RASA1: variants seen among roughly 807,000 people sequenced by gnomAD.
RASA1 encodes RAS p21 protein activator 1.
In RASA1, 25 loss-of-function variants were observed where a neutral mutation model predicts 132.2. The observed-to-expected ratio is 0.19, with a 90% CI of 0.14 to 0.26. The LOEUF is 0.26. Ranked by LOEUF, RASA1 falls within the 10% of genes least tolerant of loss-of-function variation. The pLI is 1.00. For synonymous variants in RASA1, 477 were observed against 449.9 expected (o/e 1.06, Z -0.76); for missense variants, 964 against 1,299.2 (o/e 0.74, Z 3.97).
chr5:87,274,245 A>G (rs1753973239), intron 1 of RASA1, among the ~76,000 whole-genome samples: 1 of 152,174 alleles, frequency 6.6e-6, no homozygotes, highest in African/African-American at 2.4e-5. Context: ...CAGACTTCTC[A>G]AGTCTGAAAC....
At chr5:87,351,726 G>A (rs1368590801) in intron 8 of RASA1, among the ~76,000 whole-genome samples, 1 of 151,638 alleles carries the variant, frequency 6.6e-6, no homozygotes, top group African/African-American at 2.4e-5. Flanking sequence ...ATAAATGGAA[G>A]AGTAATTTTT....
chr5:87,270,102 C>A (rs928812792), intron 1 of RASA1, among the ~76,000 whole-genome samples: 1 of 151,564 alleles, frequency 6.6e-6, no homozygotes, highest in African/African-American at 2.4e-5. Flanking sequence ...ATAAGCCGGA[C>A]GCGGTGGCAC....
At position 87,329,893 on chromosome 5, in the gene RASA1, T is replaced by A. The variant is rs544254072; in HGVS notation, c.540-1455T>A. 2.0e-4 allele frequency among the ~76,000 whole-genome samples: 30 copies of A among 152,302 alleles called. No individual in the cohort carries two copies. The South Asian group carries it at 6.2e-3, about 32-fold the overall frequency. On this transcript the variant is annotated intron_variant, in intron 1 of 24. Coordinates refer to ENST00000274376, the MANE Select transcript of RASA1 (RefSeq NM_002890.3). ...TTAAATTATAGTTCCTTAGGGTTCA[T>A]TTACGATCTCTGGTGTAAACTTTCC...
At chr5:87,337,309 C>T (rs1199922930) in intron 4 of RASA1, among the ~76,000 whole-genome samples, 3 of 151,972 alleles carry the variant, frequency 2.0e-5, no homozygotes, top group Non-Finnish European at 4.4e-5. Flanking sequence ...CATCTCTGTA[C>T]TCTTAAATTG....
At chr5:87,279,133 T>C (rs58618687) in intron 1 of RASA1, among the ~76,000 whole-genome samples, 5,501 of 152,146 alleles carry the variant, frequency 0.036, 189 homozygotes, top group African/African-American at 0.08. Flanking sequence ...GTCCCAGCTA[T>C]TCAGGAGGCT....
At chr5:87,326,177 G>C (rs1757217982) in intron 1 of RASA1, among the ~76,000 whole-genome samples, 1 of 152,216 alleles carries the variant, frequency 6.6e-6, no homozygotes, top group African/African-American at 2.4e-5. Flanking sequence ...TTGCCATATT[G>C]CCTGGGTTGG....
chr5:87,277,370 A>G (rs888779062), intron 1 of RASA1, among the ~76,000 whole-genome samples: 3 of 152,198 alleles, frequency 2.0e-5, no homozygotes, highest in East Asian at 1.9e-4. Flanking sequence ...ATTTGGAGAT[A>G]CAGCCTTTAA....
At position 87,268,749 on chromosome 5, in the gene RASA1, G is replaced by T; in HGVS notation, c.298G>T (p.Ala100Ser). ...TGCTGCTGGCGTAGCTGGTGCTGCT[G>T]CTGGCGTGGCCGGTGCTGCTGTTGC... ...GTAAGVAGAAAGVAGAAVAGP... is the reference protein window; with the variant it reads ...GTAAGVAGAASGVAGAAVAGP... Residue 100 changes from alanine to serine, a missense_variant, in exon 1 of 25, where the codon GCT becomes TCT. This residue lies in a region of RASA1 where 326 missense variants were observed against 275.8 expected (regional missense o/e 1.18). Coordinates refer to ENST00000274376, the MANE Select transcript of RASA1 (RefSeq NM_002890.3). 6.2e-7 allele frequency: 1 copy of T among 1,613,616 alleles called. No homozygotes were observed. The highest frequency in any genetic ancestry group is 2.2e-5 in the East Asian group (1 of 44,866).
intron 4 of RASA1, among the ~76,000 whole-genome samples, chr5:87,335,213 TTGAGAGAA>T (rs1757876424): frequency 6.6e-6 from 1 of 152,044 alleles, no homozygotes; most frequent in South Asian, 2.1e-4. Flanking sequence ...CCATTTTCAC[TTGAGAGAA>T]TGTTTGACAT....
At chr5:87,360,431 C>G (rs1369413060) in intron 9 of RASA1, among the ~76,000 whole-genome samples, 2 of 152,156 alleles carry the variant, frequency 1.3e-5, no homozygotes, top group Admixed American at 1.3e-4. Flanking sequence ...CTTTTGAAAA[C>G]TCTGATGGCT....
intron 1 of RASA1, among the ~76,000 whole-genome samples, chr5:87,292,790 C>T (rs1754965036): frequency 6.6e-6 from 1 of 152,126 alleles, no homozygotes; most frequent in Non-Finnish European, 1.5e-5. Flanking sequence ...TGGAGTATCT[C>T]TGCATTTATT....
At chr5:87,289,326 C>T (rs1426827621) in intron 1 of RASA1, among the ~76,000 whole-genome samples, 1 of 152,112 alleles carries the variant, frequency 6.6e-6, no homozygotes, top group Non-Finnish European at 1.5e-5. Context: ...AGGTGGGTTG[C>T]ACCAGATTTT....
intron 9 of RASA1, among the ~76,000 whole-genome samples, chr5:87,353,901 T>C (rs1448919633): frequency 6.6e-6 from 1 of 152,072 alleles, no homozygotes; most frequent in Non-Finnish European, 1.5e-5. Context: ...CTGAAGTATA[T>C]GGTAGGGAAA....
chr5:87,271,309 A>G (rs1753821058), intron 1 of RASA1, among the ~76,000 whole-genome samples: 1 of 152,132 alleles, frequency 6.6e-6, no homozygotes, highest in Admixed American at 6.5e-5. Flanking sequence ...ATTTTTATTA[A>G]ATGCTAATAG....
intron 1 of RASA1, among the ~76,000 whole-genome samples, chr5:87,271,935 C>T (rs1327484571): frequency 1.3e-5 from 2 of 151,488 alleles, no homozygotes; most frequent in Non-Finnish European, 2.9e-5. Context: ...GAGTGGATCA[C>T]TTGAGGTCAG....
intron 19 of RASA1, among the ~76,000 whole-genome samples, chr5:87,380,237 A>G (rs1761615475): frequency 6.6e-6 from 1 of 152,164 alleles, no homozygotes; most frequent in African/African-American, 2.4e-5. Flanking sequence ...ACTTAAGTCT[A>G]AATCTTGCTC....
intron 1 of RASA1, among the ~76,000 whole-genome samples, chr5:87,277,416 G>C (rs1273735592): frequency 6.6e-6 from 1 of 152,118 alleles, no homozygotes; most frequent in Middle Eastern, 3.2e-3. Flanking sequence ...TCATAAGGGT[G>C]GCTGGTGAAT....
At chr5:87,325,823 T>G (rs1490339675) in intron 1 of RASA1, among the ~76,000 whole-genome samples, 1 of 152,234 alleles carries the variant, frequency 6.6e-6, no homozygotes, top group Non-Finnish European at 1.5e-5. Flanking sequence ...ATAGTTTCAA[T>G]GAAATGCCTG....
chr5:87,287,060 GTATATACACACCA>G lies in RASA1; in HGVS notation c.539+18090_539+18102del, dbSNP rs1465225939. ...TATACACACCATATATATACCCCAT[GTATATACACACCA>G]TATATACACACCATATATATACACA... On this transcript the variant is annotated intron_variant, in intron 1 of 24. Transcript: ENST00000274376. Among the ~76,000 whole-genome samples, 1,049 of 114,116 alleles carry G rather than the reference GTATATACACACCA, an allele frequency of 9.2e-3. 12 individuals are homozygous for G. The highest frequency in any genetic ancestry group is 0.034 in the African/African-American group (995 of 29,054). 74.9% of individuals were successfully genotyped at this position (114,116 alleles called of 152,430 possible).
Sources: allele counts gnomAD v4.1 joint callset (sites outside exome capture counted in the v4.1 genomes callset), GRCh38; gene constraint gnomAD v4.1.1; regional missense constraint gnomAD v4.1.1; transcripts MANE v1.5; gene names NCBI Gene and HGNC (gene_info 2026-07-23, HGNC 2026-07-21).